TBK1: variants seen among roughly 807,000 people sequenced by gnomAD.
TBK1 encodes the protein TANK binding kinase 1.
Under a neutral mutation model 99.9 loss-of-function variants are expected in TBK1, and 37 were observed. The observed-to-expected ratio is 0.37, with a 90% CI of 0.28 to 0.49. The LOEUF (loss-of-function observed/expected upper bound fraction) is 0.49, where lower values mean the gene tolerates loss of function less well. Ranked by LOEUF, TBK1 falls within the 20% of genes least tolerant of loss-of-function variation. The probability of loss-of-function intolerance (pLI) is 0.98; values close to 1 mark genes in which losing one functional copy is unlikely to be tolerated. For missense variants in TBK1, 644 were observed against 872.5 expected, an observed-to-expected ratio of 0.74 and a Z score of 3.30; for synonymous variants, 258 against 279.8, an observed-to-expected ratio of 0.92 and a Z score of 0.78.
At chr12:64,492,936 C>T (rs1431905587) in intron 13 of TBK1, among the ~76,000 whole-genome samples, 3 of 143,648 alleles carry the variant, frequency 2.1e-5, no homozygotes, top group African/African-American at 7.9e-5. Flanking sequence ...TGCTCTTTTG[C>T]CCAGGCTGGA....
At position 64,485,937 on chromosome 12, in the gene TBK1, G is replaced by T; in HGVS notation, c.1260G>T (p.Gly420=). 2 of 1,579,860 alleles carry T rather than the reference G, an allele frequency of 1.3e-6. No individual in the cohort carries two copies. The highest frequency in any genetic ancestry group is 1.8e-5 in the Admixed American group (1 of 54,478). ...TATTTCTTTATTAGGCAATAACAGG[G>T]GTTGTGTGTTATGCCTGCAGAATTG... The part of the protein sequence containing the change: ...GDASMAKAIT[G]VVCYACRIAS... Residue 420 remains glycine (G), a synonymous_variant, in exon 11 of 21, where the codon GGG becomes GGT. Transcript: ENST00000331710.
chr12:64,466,818 G>T, intron 4 of TBK1, 83 bp from the exon 5 acceptor site: 1 of 1,132,828 alleles, frequency 8.8e-7, no homozygotes. Flanking sequence ...TTAAGTTTGG[G>T]TGACTATATC....
intron 2 of TBK1, among the ~76,000 whole-genome samples, chr12:64,458,576 A>G (rs1227708135): frequency 6.6e-6 from 1 of 151,870 alleles, no homozygotes; most frequent in African/African-American, 2.4e-5. Context: ...TGAATAATAG[A>G]TGACTGTGTA....
At chr12:64,480,861 AT>A (rs1256240565) in intron 7 of TBK1, among the ~76,000 whole-genome samples, 1 of 152,184 alleles carries the variant, frequency 6.6e-6, no homozygotes, top group Non-Finnish European at 1.5e-5. Flanking sequence ...TTAGTGGCTT[AT>A]CACCTTTTTT....
intron 11 of TBK1, among the ~76,000 whole-genome samples, chr12:64,486,575 T>G (rs543062597): frequency 1.1e-4 from 17 of 151,830 alleles, no homozygotes; most frequent in African/African-American, 3.6e-4. Flanking sequence ...CCTGGGACTA[T>G]AGGCATGCCC....
rs2040921783 is a variant in TBK1, at chr12:64,496,001, TC to T, written c.1720+227del. 9.3e-6 allele frequency: 4 copies of T among 431,452 alleles called. No homozygotes were observed. In the East Asian group the frequency reaches 1.7e-4, roughly 18 times the overall value. The allele number at this position is 431,452 out of a possible 1,614,324, so 26.7% of individuals were successfully genotyped here. A position where few individuals can be genotyped will look rare whatever the true frequency, so the allele number is the denominator to read the frequency against. ...AATCAGGGTCATGAACACCAGAACCTCTAAAGGCCAGGCAGGTAACAGAAAG... is the reference window on the plus strand; with the variant it reads ...AATCAGGGTCATGAACACCAGAACCTTAAAGGCCAGGCAGGTAACAGAAAG... On this transcript the variant is annotated intron_variant, in intron 15 of 20. Coordinates refer to ENST00000331710, the MANE Select transcript of TBK1 (RefSeq NM_013254.4).
At chr12:64,481,201 A>T (rs1303809762) in intron 7 of TBK1, among the ~76,000 whole-genome samples, 4 of 152,140 alleles carry the variant, frequency 2.6e-5, no homozygotes, top group Non-Finnish European at 5.9e-5. Flanking sequence ...AAAACTGATA[A>T]AGTGTAAAGG....
chr12:64,479,232 T>G (rs1266566610), intron 6 of TBK1, among the ~76,000 whole-genome samples: 2 of 152,236 alleles, frequency 1.3e-5, no homozygotes, highest in Non-Finnish European at 2.9e-5. Context: ...CTTGTAAGCA[T>G]TCCCCTAAGA....
chr12:64,483,789 T>C (rs751419335), intron 8 of TBK1, among the ~76,000 whole-genome samples: 27 of 152,174 alleles, frequency 1.8e-4, no homozygotes, highest in Non-Finnish European at 3.8e-4. Context: ...GGTGTATCAC[T>C]TGAGGCCAGG....
chr12:64,461,416 T>A (rs1008262107), intron 3 of TBK1, among the ~76,000 whole-genome samples: 1 of 152,210 alleles, frequency 6.6e-6, no homozygotes, highest in African/African-American at 2.4e-5. Flanking sequence ...ATAAAATCTT[T>A]GGGAAAAAAT....
chr12:64,481,251 C>T lies in TBK1; in HGVS notation c.813-591C>T, dbSNP rs374177930. The stretch of plus-strand genomic sequence containing the variant: ...CACTTGCTGGTAAATAATTATATTG[C>T]CAAAACTCAGAATCAAAAAAATCTG... On this transcript the variant is annotated intron_variant, in intron 7 of 20. Coordinates refer to ENST00000331710, the MANE Select transcript of TBK1 (RefSeq NM_013254.4). Among the ~76,000 whole-genome samples, 3 of 151,878 alleles carry T rather than the reference C, an allele frequency of 2.0e-5. No individual in the cohort carries two copies. In the South Asian group the frequency reaches 6.2e-4, roughly 31 times the overall value.
At chr12:64,493,110 G>T (rs1463786634) in intron 13 of TBK1, among the ~76,000 whole-genome samples, 1 of 151,568 alleles carries the variant, frequency 6.6e-6, no homozygotes, top group Non-Finnish European at 1.5e-5. Context: ...TAGCCAGGAT[G>T]GTCTCAATCT....
chr12:64,495,998 A>C (rs925681831), intron 15 of TBK1: 21 of 440,970 alleles, frequency 4.8e-5, no homozygotes, highest in Non-Finnish European at 7.6e-5. Flanking sequence ...GAACACCAGA[A>C]CCTCTAAAGG....
rs565639161 is a variant in TBK1, at chr12:64,470,140, A to G, written c.540+3058A>G. The stretch of plus-strand genomic sequence containing the variant: ...GGAAGGACTTAGAATTAAAGAAGTG[A>G]TCAGGGGGCTAGCCAGATCAGACAG... On this transcript the variant is annotated intron_variant, in intron 5 of 20. Coordinates refer to ENST00000331710, the MANE Select transcript of TBK1 (RefSeq NM_013254.4). Among the ~76,000 whole-genome samples the G allele has an allele frequency of 2.0e-5, 3 of 152,272 alleles. No homozygotes were observed. The South Asian group carries it at 6.2e-4, about 32-fold the overall frequency.
At chr12:64,465,006 A>G (rs989472594) in intron 4 of TBK1, among the ~76,000 whole-genome samples, 3 of 152,026 alleles carry the variant, frequency 2.0e-5, no homozygotes, top group Non-Finnish European at 4.4e-5. Context: ...CACTTTAGGA[A>G]GTGGAGGCCG....
intron 13 of TBK1, among the ~76,000 whole-genome samples, chr12:64,491,571 C>T (rs144117715): frequency 7.9e-5 from 12 of 152,076 alleles, no homozygotes; most frequent in Middle Eastern, 3.4e-3. Context: ...TACAGTGAGC[C>T]GAGATCGTGC....
intron 18 of TBK1, 40 bp downstream of exon 18, chr12:64,497,299 GT>G: frequency 5.9e-6 from 8 of 1,357,150 alleles, no homozygotes; most frequent in Non-Finnish European, 8.0e-6. Context: ...ATTCTTCTCA[GT>G]TTATAACTGA....
At chr12:64,484,181 A>T in intron 8 of TBK1, 122 bp from the exon 9 acceptor site, 1 of 651,354 alleles carries the variant, frequency 1.5e-6, no homozygotes, top group African/African-American at 1.8e-5. Context: ...AAGCAAGTTT[A>T]TATGGACTGG....
rs191167518 is a variant in TBK1, at chr12:64,486,651, C to T, written c.1340+634C>T. ...GTCTAGTTATGTTGCCCAGGCTGGTCTCAAACTCTTGGGCTCAGGCAATCA... is the reference window on the plus strand; with the variant it reads ...GTCTAGTTATGTTGCCCAGGCTGGTTTCAAACTCTTGGGCTCAGGCAATCA... On this transcript the variant is annotated intron_variant, in intron 11 of 20. Transcript: ENST00000331710. Among the ~76,000 whole-genome samples, 3 of 151,594 alleles carry T rather than the reference C, an allele frequency of 2.0e-5. No homozygotes were observed. The East Asian group carries it at 5.8e-4, about 29-fold the overall frequency.
Sources: gnomAD v4.1 joint callset for allele counts (sites outside exome capture counted in the v4.1 genomes callset) on GRCh38, gnomAD v4.1.1 for gene constraint, MANE v1.5 for transcripts, NCBI Gene and HGNC (gene_info 2026-07-23, HGNC 2026-07-21) for gene names.